The following PCSK2 variants were observed in gnomAD, a reference collection of about 807,000 sequenced individuals.
The protein encoded by PCSK2 is proprotein convertase subtilisin/kexin type 2, also known as neuroendocrine convertase 2.
A neutral mutation model predicts 69.7 loss-of-function variants in PCSK2; 14 were observed. The ratio of observed to expected loss-of-function variants is 0.20; its 90% CI spans 0.13 to 0.31. The LOEUF is 0.31. Ranked by LOEUF, PCSK2 falls within the 10% of genes least tolerant of loss-of-function variation. PCSK2 has a pLI of 1.00. For missense variants in PCSK2, 544 were observed against 842.5 expected (o/e 0.65, Z 4.39); for synonymous variants, 307 against 320.7 (o/e 0.96, Z 0.46).
Position 17,314,242 on chromosome 20 carries a change from T to A in PCSK2, c.283-44085T>A, listed in dbSNP as rs76372229. Among the ~76,000 whole-genome samples, 960 of 152,312 alleles carry A rather than the reference T, an allele frequency of 6.3e-3. 14 individuals are homozygous for A. The highest frequency in any genetic ancestry group is 0.022 in the African/African-American group (910 of 41,556). ...AGATTTCCAACCTGCTTTGATTTCC[T>A]CTCTAGGTAGTTTTTTATTTTGTGT... On this transcript the variant is annotated intron_variant, in intron 2 of 11. Transcript: ENST00000262545.
Position 17,303,493 on chromosome 20 carries a change from T to A in PCSK2, c.282+43149T>A, listed in dbSNP as rs1190805687. 1.7e-3 allele frequency among the ~76,000 whole-genome samples: 79 copies of A among 47,576 alleles called. 1 individual carries two copies. Among genetic ancestry groups the A allele is most frequent in the East Asian group, 5.8e-3 (18 of 3,078 alleles). The allele number at this position is 47,576 out of a possible 152,430, so 31.2% of individuals were successfully genotyped here. ...ATATTATATATAATATATATTATAT[T>A]TAATATAATATATATTATATATAAT... is the stretch of plus-strand genomic sequence containing the variant. On this transcript the variant is annotated intron_variant, in intron 2 of 11. Coordinates refer to ENST00000262545, the MANE Select transcript of PCSK2 (RefSeq NM_002594.5).
chr20:17,433,812 T>TCTCTCTCTC (rs774361715), intron 7 of PCSK2, among the ~76,000 whole-genome samples: 10 of 104,162 alleles, frequency 9.6e-5, no homozygotes, highest in Non-Finnish European at 1.5e-4. Flanking sequence ...TCTCTCTCTC[T>TCTCTCTCTC]CCCCCCACTT....
At chr20:17,350,785 G>A (rs2029957759) in intron 2 of PCSK2, among the ~76,000 whole-genome samples, 1 of 152,206 alleles carries the variant, frequency 6.6e-6, no homozygotes, top group African/African-American at 2.4e-5. Flanking sequence ...GCTTATGCCT[G>A]TAATCCCAGC....
chr20:17,375,898 C>G (rs1447451030), intron 5 of PCSK2, among the ~76,000 whole-genome samples: 1 of 152,232 alleles, frequency 6.6e-6, no homozygotes, highest in African/African-American at 2.4e-5. Context: ...TCTGTAGAAT[C>G]TCCCTTTAAA....
chr20:17,244,904 C>T (rs1986716383), intron 1 of PCSK2, among the ~76,000 whole-genome samples: 1 of 152,284 alleles, frequency 6.6e-6, no homozygotes, highest in South Asian at 2.1e-4. Flanking sequence ...CGGGCGGTGG[C>T]CTCTTCCTGC....
intron 2 of PCSK2, among the ~76,000 whole-genome samples, chr20:17,261,024 C>G (rs1987362555): frequency 6.6e-6 from 1 of 152,150 alleles, no homozygotes; most frequent in African/African-American, 2.4e-5. Context: ...TTCCCCCAAT[C>G]AAACATATCA....
intron 2 of PCSK2, among the ~76,000 whole-genome samples, chr20:17,341,838 T>C (rs529001337): frequency 6.8e-6 from 1 of 146,554 alleles, no homozygotes; most frequent in African/African-American, 2.5e-5. Flanking sequence ...GAAAAATCTA[T>C]CTCCACAACT....
At position 17,414,545 on chromosome 20, in the gene PCSK2, A is replaced by T. The variant is rs535292530; in HGVS notation, c.620+5206A>T. ...CTCTGAAATTGAGGCAATAATTAAT[A>T]GCCTACCAACCAAAAAAAGTCCAGG... On this transcript the variant is annotated intron_variant, in intron 6 of 11. Transcript: ENST00000262545. Among the ~76,000 whole-genome samples, 24 of 152,342 alleles carry T rather than the reference A, an allele frequency of 1.6e-4. No homozygotes were observed. The East Asian group carries it at 3.9e-3, about 24-fold the overall frequency.
chr20:17,299,534 C>CA (rs1463078900), intron 2 of PCSK2, among the ~76,000 whole-genome samples: 2 of 151,750 alleles, frequency 1.3e-5, no homozygotes, highest in East Asian at 3.9e-4. Context: ...AATCCAGTTT[C>CA]AAAAAAATAG....
chr20:17,289,911 T>C (rs2123063658), intron 2 of PCSK2, among the ~76,000 whole-genome samples: 1 of 152,352 alleles, frequency 6.6e-6, no homozygotes, highest in South Asian at 2.1e-4. Flanking sequence ...AAATAAATTC[T>C]CTTTTGTACT....
intron 2 of PCSK2, among the ~76,000 whole-genome samples, chr20:17,282,207 C>A (rs1988342230): frequency 6.6e-6 from 1 of 152,092 alleles, no homozygotes; most frequent in South Asian, 2.1e-4. Flanking sequence ...GCACAAATGG[C>A]AGACAGACAA....
intron 2 of PCSK2, among the ~76,000 whole-genome samples, chr20:17,261,210 G>A (rs946358498): frequency 2.0e-5 from 3 of 152,202 alleles, no homozygotes; most frequent in African/African-American, 7.2e-5. Context: ...ACTCAGACAA[G>A]TTGTTCTCTG....
At chr20:17,369,882 G>T (rs200873939) in intron 5 of PCSK2, among the ~76,000 whole-genome samples, 1 of 152,210 alleles carries the variant, frequency 6.6e-6, no homozygotes, top group African/African-American at 2.4e-5. Context: ...AAGTAAGAGC[G>T]TTATCTTTTT....
chr20:17,442,585 G>T (rs2032620043), intron 8 of PCSK2, among the ~76,000 whole-genome samples: 1 of 152,158 alleles, frequency 6.6e-6, no homozygotes. Context: ...AGGACCTTGA[G>T]AAGTCTCCCT....
chr20:17,474,754 T>C (rs1021607042), intron 11 of PCSK2, among the ~76,000 whole-genome samples: 1 of 152,128 alleles, frequency 6.6e-6, no homozygotes, highest in Non-Finnish European at 1.5e-5. Context: ...TCCTCTGCCA[T>C]GCCCTTAATG....
At chr20:17,355,904 G>T (rs117410826) in intron 2 of PCSK2, among the ~76,000 whole-genome samples, 1,807 of 152,234 alleles carry the variant, frequency 0.012, 10 homozygotes, top group Non-Finnish European at 0.018. Flanking sequence ...GAGTACAGGG[G>T]AATCAAGGAT....
At chr20:17,450,106 C>T (rs1310339301) in intron 8 of PCSK2, among the ~76,000 whole-genome samples, 5 of 141,204 alleles carry the variant, frequency 3.5e-5, no homozygotes, top group African/African-American at 8.0e-5. Context: ...CGGCTCACTG[C>T]GGGCTCCGCC....
intron 11 of PCSK2, among the ~76,000 whole-genome samples, chr20:17,476,986 C>A (rs2033301980): frequency 6.6e-6 from 1 of 152,198 alleles, no homozygotes; most frequent in Non-Finnish European, 1.5e-5. Context: ...CATGATTCAG[C>A]ATCAGTATCC....
chr20:17,229,914 C>T lies in PCSK2; in HGVS notation c.177+2432C>T, dbSNP rs80331215. ...AAGCTAATAAATGCCATCACTTTTC[C>T]TCATTATTTCAGGTATATAAGTAAA... On this transcript the variant is annotated intron_variant, in intron 1 of 11. Coordinates refer to ENST00000262545, the MANE Select transcript of PCSK2 (RefSeq NM_002594.5). Among the ~76,000 whole-genome samples, 1,113 of 152,282 alleles carry T rather than the reference C, an allele frequency of 7.3e-3. 3 individuals are homozygous for T. The highest frequency in any genetic ancestry group is 0.014 in the East Asian group (70 of 5,180).
Sources: gnomAD v4.1 joint callset for allele counts (sites outside exome capture counted in the v4.1 genomes callset) on GRCh38, gnomAD v4.1.1 for gene constraint, MANE v1.5 for transcripts, NCBI Gene and HGNC (gene_info 2026-07-23, HGNC 2026-07-21) for gene names.